Variants in LRRTM4 observed in about 807,000 individuals in gnomAD.
The protein encoded by LRRTM4 is leucine rich repeat transmembrane neuronal 4.
A neutral mutation model predicts 47.6 loss-of-function variants in LRRTM4; 25 were observed. The observed-to-expected ratio is 0.53, with a 90% confidence interval of 0.38 to 0.73. The LOEUF is 0.73. Among genes scored for constraint, LRRTM4 ranks in the 30% least tolerant of loss-of-function variants. The pLI is 0.00. For missense variants in LRRTM4, 638 were observed against 713.4 expected (o/e 0.89, Z 1.20); for synonymous variants, 311 against 269.5 (o/e 1.15, Z -1.51).
At chr2:76,815,133 TAAG>T (rs1670863501) in intron 3 of LRRTM4, among the ~76,000 whole-genome samples, 1 of 151,656 alleles carries the variant, frequency 6.6e-6, no homozygotes, top group Admixed American at 6.6e-5. Flanking sequence ...AAGAAATAAA[TAAG>T]AAAAGAAATA....
chr2:77,473,009 A>G (rs1357288023), intron 3 of LRRTM4, among the ~76,000 whole-genome samples: 6 of 152,164 alleles, frequency 3.9e-5, no homozygotes, highest in African/African-American at 1.4e-4. Context: ...AATGCTAAAT[A>G]GATACATACA....
At chr2:77,011,563 G>C in intron 3 of LRRTM4, among the ~76,000 whole-genome samples, 1 of 150,944 alleles carries the variant, frequency 6.6e-6, no homozygotes, top group Admixed American at 6.6e-5. Flanking sequence ...GTGTGTGTGT[G>C]TGTGTGTGTG....
intron 3 of LRRTM4, among the ~76,000 whole-genome samples, chr2:77,453,176 A>ATTTTTTTTTTTTTTTTT (rs1162461607): frequency 1.0e-5 from 1 of 99,506 alleles, no homozygotes; most frequent in Non-Finnish European, 2.0e-5. Flanking sequence ...TTTCTTCTTG[A>ATTTTTTTTTTTTTTTTT]TTTTTTTTTT....
chr2:76,980,908 C>A (rs944414119), intron 3 of LRRTM4, among the ~76,000 whole-genome samples: 17 of 152,042 alleles, frequency 1.1e-4, no homozygotes, highest in Non-Finnish European at 2.4e-4. Flanking sequence ...TGGAGGATTA[C>A]ATCTCCTATG....
chr2:77,400,560 T>G (rs1374023873), intron 3 of LRRTM4, among the ~76,000 whole-genome samples: 1 of 151,856 alleles, frequency 6.6e-6, no homozygotes, highest in African/African-American at 2.4e-5. Flanking sequence ...CTCCACAGAT[T>G]AGTCTCATGA....
chr2:77,038,854 T>G (rs769179041), intron 3 of LRRTM4, among the ~76,000 whole-genome samples: 2 of 151,464 alleles, frequency 1.3e-5, no homozygotes, highest in Non-Finnish European at 3.0e-5. Flanking sequence ...TTTATTTCTT[T>G]GCACACTTGA....
intron 3 of LRRTM4, among the ~76,000 whole-genome samples, chr2:77,060,822 G>A (rs1036674486): frequency 6.6e-6 from 1 of 151,922 alleles, no homozygotes; most frequent in Non-Finnish European, 1.5e-5. Flanking sequence ...AGTGTTTTGA[G>A]GGCAAGGTAG....
At chr2:76,844,342 G>C (rs1239788199) in intron 3 of LRRTM4, among the ~76,000 whole-genome samples, 1 of 150,096 alleles carries the variant, frequency 6.7e-6, no homozygotes, top group East Asian at 2.0e-4. Context: ...TCACCATGTC[G>C]GCCAGGATGG....
intron 3 of LRRTM4, among the ~76,000 whole-genome samples, chr2:77,161,363 C>T (rs760412127): frequency 1.3e-5 from 2 of 152,142 alleles, no homozygotes; most frequent in Non-Finnish European, 2.9e-5. Context: ...ATTCCCTATG[C>T]CTCTGCCAGT....
intron 3 of LRRTM4, among the ~76,000 whole-genome samples, chr2:77,312,760 GA>G (rs201456711): frequency 2.0e-5 from 3 of 149,850 alleles, no homozygotes; most frequent in East Asian, 2.0e-4. Context: ...CTGAGTAAAA[GA>G]AAAAAAAAGC....
In LRRTM4 at chr2:76,990,163, C is replaced by T. The variant is rs182326432; in HGVS notation, c.1552-241247G>A. Among the ~76,000 whole-genome samples the T allele has an allele frequency of 1.3e-4, 20 of 151,798 alleles. No homozygotes were observed. In the East Asian group the frequency reaches 2.9e-3, roughly 22 times the overall value. ...GGAAATTGTGAAAAAATAAGTAACACCTCTAATCCAATCTTAATTTTGTTT... is the reference window on the plus strand; with the variant it reads ...GGAAATTGTGAAAAAATAAGTAACATCTCTAATCCAATCTTAATTTTGTTT... On this transcript the variant is annotated intron_variant, in intron 3 of 3. Transcript: ENST00000409884.
chr2:76,875,111 G>A (rs1672741936), intron 3 of LRRTM4, among the ~76,000 whole-genome samples: 1 of 152,028 alleles, frequency 6.6e-6, no homozygotes, highest in Non-Finnish European at 1.5e-5. Context: ...TCTGCATGAG[G>A]CCAAGTAGCA....
intron 3 of LRRTM4, among the ~76,000 whole-genome samples, chr2:76,861,587 C>T (rs1573224624): frequency 6.6e-6 from 1 of 152,090 alleles, no homozygotes; most frequent in Non-Finnish European, 1.5e-5. Context: ...TTGCTTTGGC[C>T]TTTACTGTTC....
At chr2:76,820,023 T>C (rs951471545) in intron 3 of LRRTM4, among the ~76,000 whole-genome samples, 3 of 151,974 alleles carry the variant, frequency 2.0e-5, no homozygotes, top group Non-Finnish European at 4.4e-5. Context: ...TTCTTACAGA[T>C]ATCCACCCCC....
intron 3 of LRRTM4, among the ~76,000 whole-genome samples, chr2:77,064,722 T>C (rs1165863425): frequency 6.6e-6 from 1 of 152,210 alleles, no homozygotes; most frequent in Non-Finnish European, 1.5e-5. Flanking sequence ...TTACTTCATA[T>C]AATGTAAGAA....
intron 3 of LRRTM4, among the ~76,000 whole-genome samples, chr2:76,960,104 C>T (rs988101819): frequency 6.6e-6 from 1 of 151,524 alleles, no homozygotes; most frequent in Non-Finnish European, 1.5e-5. Context: ...GGACTGCCTA[C>T]ACCACATCTT....
intron 3 of LRRTM4, among the ~76,000 whole-genome samples, chr2:76,840,279 G>A (rs1280345470): frequency 6.6e-6 from 1 of 152,206 alleles, no homozygotes; most frequent in Admixed American, 6.5e-5. Flanking sequence ...AATAGGTTCT[G>A]AAGGAAGTTT....
intron 3 of LRRTM4, among the ~76,000 whole-genome samples, chr2:76,795,774 G>C (rs1265346059): frequency 6.6e-6 from 1 of 152,078 alleles, no homozygotes; most frequent in Non-Finnish European, 1.5e-5. Context: ...ACCAAAGCCA[G>C]ATCAGGGCAC....
intron 3 of LRRTM4, among the ~76,000 whole-genome samples, chr2:77,348,850 A>T (rs568902968): frequency 2.1e-5 from 3 of 145,948 alleles, no homozygotes; most frequent in Admixed American, 6.6e-5. Context: ...GTTAGATATA[A>T]AAAAAACTAT....
Sources: gnomAD v4.1 joint callset for allele counts (sites outside exome capture counted in the v4.1 genomes callset) on GRCh38, gnomAD v4.1.1 for gene constraint, MANE v1.5 for transcripts, NCBI Gene and HGNC (gene_info 2026-07-23, HGNC 2026-07-21) for gene names.